The following PCDHGB1 variants were observed in gnomAD, a reference collection of about 807,000 sequenced individuals.
The protein encoded by PCDHGB1 is protocadherin gamma subfamily B, 1.
PCDHGB1 carries 34 observed loss-of-function variants against 56.6 expected under a neutral mutation model. The ratio of observed to expected loss-of-function variants is 0.60; its 90% CI spans 0.46 to 0.80. The LOEUF (loss-of-function observed/expected upper bound fraction) is 0.80. Ranked by LOEUF, PCDHGB1 falls within the 30% of genes least tolerant of loss-of-function variation. The probability of loss-of-function intolerance (pLI) is 0.00; values close to 1 mark genes in which losing one functional copy is unlikely to be tolerated. For synonymous variants in PCDHGB1, 561 were observed against 505.9 expected (o/e 1.11, Z -1.46); for missense variants, 1,278 against 1,204.6 (o/e 1.06, Z -0.90).
rs1423149 is a variant in PCDHGB1, at chr5:141,487,780, C to G, written c.2410-7027C>G. ...TAGACGCTGTGCTTTGTAACTGTTTCGTGAATTAACCAGAGTTGTCACAGT... is the reference window on the plus strand; with the variant it reads ...TAGACGCTGTGCTTTGTAACTGTTTGGTGAATTAACCAGAGTTGTCACAGT... On this transcript the variant is annotated intron_variant, in intron 1 of 3. Transcript: ENST00000523390. This position sits in a 1 kb window ranked among gnomAD's most constrained non-coding sequence, Gnocchi z 5.0. 6.6e-7 allele frequency: 1 copy of G among 1,526,704 alleles called. No individual in the cohort carries two copies. The allele number at this position is 1,526,704 out of a possible 1,614,324, so 94.6% of individuals were successfully genotyped here. A position where few individuals can be genotyped will look rare whatever the true frequency, so the allele number is the denominator to read the frequency against.
intron 1 of PCDHGB1, chr5:141,405,443 A>G (rs2154536495): frequency 7.2e-7 from 1 of 1,381,938 alleles, no homozygotes; most frequent in Non-Finnish European, 1.0e-6. Flanking sequence ...TTTTTGAGAC[A>G]GAGTCTTACT....
intron 1 of PCDHGB1, among the ~76,000 whole-genome samples, chr5:141,467,361 G>A (rs555435172): frequency 1.3e-5 from 2 of 151,860 alleles, no homozygotes; most frequent in South Asian, 4.2e-4. Context: ...CCAAATCAAC[G>A]TTTTCTTATA....
At chr5:141,440,155 A>C (rs1250255277) in intron 1 of PCDHGB1, 1 of 152,238 alleles carries the variant, frequency 6.6e-6, no homozygotes, top group Non-Finnish European at 1.5e-5. Flanking sequence ...CCCCAATTAT[A>C]GCTTGGGCCA....
intron 2 of PCDHGB1, among the ~76,000 whole-genome samples, chr5:141,495,662 C>G (rs545912968): frequency 6.6e-6 from 1 of 152,138 alleles, no homozygotes; most frequent in Admixed American, 6.6e-5. Flanking sequence ...TGATCTGTGC[C>G]GCCCACTGTG....
In PCDHGB1 at chr5:141,489,184, G is replaced by T; in HGVS notation, c.2410-5623G>T. ...TCAGCTGCTGCATTCCAAGCCCTGG[G>T]TCTACCTTGGAGACAGGACAGCACA... On this transcript the variant is annotated intron_variant, in intron 1 of 3. Transcript: ENST00000523390. This position sits in a 1 kb window ranked among gnomAD's most constrained non-coding sequence, Gnocchi z 4.5. 7.8e-7 allele frequency: 1 copy of T among 1,287,330 alleles called. No homozygotes were observed. Among genetic ancestry groups the T allele is most frequent in the Non-Finnish European group, 1.1e-6 (1 of 928,816 alleles). 79.7% of individuals were successfully genotyped at this position (1,287,330 alleles called of 1,614,324 possible).
chr5:141,388,355 C>T (rs1204433407), intron 1 of PCDHGB1: 6 of 1,613,954 alleles, frequency 3.7e-6, no homozygotes, highest in Non-Finnish European at 5.1e-6. Flanking sequence ...TAGGATCTGC[C>T]CATGATGCGG....
intron 1 of PCDHGB1, among the ~76,000 whole-genome samples, chr5:141,420,710 G>A (rs2096519301): frequency 6.6e-6 from 1 of 152,186 alleles, no homozygotes; most frequent in South Asian, 2.1e-4. Flanking sequence ...TTCCAGAAAT[G>A]TCGTTCCTTT....
intron 1 of PCDHGB1, among the ~76,000 whole-genome samples, chr5:141,434,225 G>A (rs1591320318): frequency 6.6e-6 from 1 of 152,146 alleles, no homozygotes; most frequent in African/African-American, 2.4e-5. Flanking sequence ...AACAAAGTAC[G>A]ATTTCTGGAC....
chr5:141,399,799 G>A lies in PCDHGB1; in HGVS notation c.2409+47130G>A, dbSNP rs768345936. The A allele has an allele frequency of 8.7e-6, 14 of 1,613,236 alleles. No homozygotes were observed. The South Asian group carries it at 1.5e-4, about 18-fold the overall frequency. On this transcript the variant is annotated intron_variant, in intron 1 of 3. Transcript: ENST00000523390. The stretch of plus-strand genomic sequence containing the variant: ...CGACCGAAACGACAACGCACCGCGG[G>A]TGCTGTACCCCGCGCTGGGTCCCGA...
In PCDHGB1 at chr5:141,431,149, G is replaced by A. The variant is rs150692324; in HGVS notation, c.2410-63658G>A. Reference sequence around the variant, plus strand: ...AAGTAAGGGACATTAACGACAATGCGCCTTACTTTCGTGAAAGTGAATTAG... The same window carrying A: ...AAGTAAGGGACATTAACGACAATGCACCTTACTTTCGTGAAAGTGAATTAG... On this transcript the variant is annotated intron_variant, in intron 1 of 3. Coordinates refer to ENST00000523390, the MANE Select transcript of PCDHGB1 (RefSeq NM_018922.3). This position sits in a 1 kb window ranked among gnomAD's most constrained non-coding sequence, Gnocchi z 4.8. The A allele has an allele frequency of 3.7e-4, 605 of 1,614,210 alleles. No individual in the cohort carries two copies. Among genetic ancestry groups the A allele is most frequent in the Non-Finnish European group, 4.7e-4 (552 of 1,180,020 alleles).
At chr5:141,506,805 G>A (rs1314432893) in intron 3 of PCDHGB1, among the ~76,000 whole-genome samples, 1 of 152,172 alleles carries the variant, frequency 6.6e-6, no homozygotes, top group African/African-American at 2.4e-5. Flanking sequence ...GAGGATCAAG[G>A]CATTGCCCTA....
chr5:141,364,094 A>C (rs4151697), intron 1 of PCDHGB1: 1 of 397,748 alleles, frequency 2.5e-6, no homozygotes, highest in Non-Finnish European at 4.4e-6. Flanking sequence ...ATGGAATTTG[A>C]TGCAGTCACT....
intron 1 of PCDHGB1, among the ~76,000 whole-genome samples, chr5:141,460,454 T>C (rs1010186960): frequency 6.6e-6 from 1 of 152,194 alleles, no homozygotes; most frequent in Admixed American, 6.6e-5. Context: ...TGAAGATTCA[T>C]ATTTTTTTCC....
At chr5:141,464,279 C>CAAA (rs373828487) in intron 1 of PCDHGB1, among the ~76,000 whole-genome samples, 8 of 137,748 alleles carry the variant, frequency 5.8e-5, no homozygotes, top group Admixed American at 1.5e-4. Flanking sequence ...AAAAAAAAAG[C>CAAA]AAAAAAAAAA....
chr5:141,422,913 G>T, intron 1 of PCDHGB1: 1 of 1,614,248 alleles, frequency 6.2e-7, no homozygotes, highest in Non-Finnish European at 8.5e-7. Context: ...ATGCGCCCGA[G>T]ATCCTGTACC....
intron 1 of PCDHGB1, chr5:141,478,446 G>A: frequency 6.2e-7 from 1 of 1,613,520 alleles, no homozygotes; most frequent in Non-Finnish European, 8.5e-7. Flanking sequence ...AAGAAACCTG[G>A]TGCAGCCAGT....
intron 1 of PCDHGB1, chr5:141,355,177 A>T (rs373402171): frequency 1.9e-6 from 3 of 1,579,772 alleles, no homozygotes; most frequent in Non-Finnish European, 2.6e-6. Context: ...ACCGAAGCAC[A>T]GGCGACTCCG....
intron 2 of PCDHGB1, among the ~76,000 whole-genome samples, chr5:141,501,258 T>G (rs2099806611): frequency 1.3e-5 from 2 of 150,950 alleles, no homozygotes; most frequent in South Asian, 4.2e-4. Flanking sequence ...GGGAGTATTT[T>G]ATTATAGTCC....
At position 141,419,726 on chromosome 5, in the gene PCDHGB1, A is replaced by AC. The variant is rs757890106; in HGVS notation, c.2409+67058dup. On this transcript the variant is annotated intron_variant, in intron 1 of 3. Coordinates refer to ENST00000523390, the MANE Select transcript of PCDHGB1 (RefSeq NM_018922.3). ...CGGGCTCTTCAGCCTGGGGCTGCGA[A>AC]CAGGCGAGGTGCGCATGGTGCGTGC... 3.1e-6 allele frequency: 5 copies of AC among 1,613,402 alleles called. No individual in the cohort carries two copies. The Admixed American group carries it at 8.3e-5, about 27-fold the overall frequency.
Sources: allele counts gnomAD v4.1 joint callset (sites outside exome capture counted in the v4.1 genomes callset), GRCh38; gene constraint gnomAD v4.1.1; non-coding constraint Gnocchi (gnomAD v3.1); transcripts MANE v1.5; gene names NCBI Gene and HGNC (gene_info 2026-07-23, HGNC 2026-07-21).